PUS7: variants seen among roughly 807,000 people sequenced by gnomAD.
The protein encoded by PUS7 is pseudouridylate synthase 7 homolog.
PUS7 carries 48 observed loss-of-function variants against 79.8 expected under a neutral mutation model. That is an observed-to-expected ratio of 0.60 (90% CI 0.48 to 0.76). PUS7 has a LOEUF of 0.76. Ranked by LOEUF, PUS7 falls within the 30% of genes least tolerant of loss-of-function variation. PUS7 has a pLI of 0.00. For missense variants in PUS7, 729 were observed against 797.6 expected, an observed-to-expected ratio of 0.91 and a Z score of 1.04; for synonymous variants, 286 against 272.2, an observed-to-expected ratio of 1.05 and a Z score of -0.50.
chr7:105,516,943 T>C lies in PUS7; in HGVS notation c.-33+5109A>G, dbSNP rs564580424. Reference sequence around the variant, plus strand: ...TTCTATCTTGAATGAAGATATAAAGTTACTAGATGTGAAAAGGGGGGAGAG... The same window carrying C: ...TTCTATCTTGAATGAAGATATAAAGCTACTAGATGTGAAAAGGGGGGAGAG... On this transcript the variant is annotated intron_variant, in intron 1 of 15. Coordinates refer to ENST00000469408, the MANE Select transcript of PUS7 (RefSeq NM_019042.5). Among the ~76,000 whole-genome samples, 5 of 152,178 alleles carry C rather than the reference T, an allele frequency of 3.3e-5. No homozygotes were observed. The South Asian group carries it at 8.3e-4, about 25-fold the overall frequency.
chr7:105,460,187 C>G (rs1230616590), intron 14 of PUS7, among the ~76,000 whole-genome samples: 1 of 152,144 alleles, frequency 6.6e-6, no homozygotes, highest in Non-Finnish European at 1.5e-5. Flanking sequence ...ATCTGCCCGC[C>G]TCGGCCTCCC....
In PUS7 at chr7:105,505,957, C is replaced by T; in HGVS notation, c.583G>A (p.Glu195Lys). 6.2e-7 allele frequency: 1 copy of T among 1,607,546 alleles called. No homozygotes were observed. The highest frequency in any genetic ancestry group is 1.3e-5 in the African/African-American group (1 of 74,652). The change falls in exon 4 of 16, where the codon GAG becomes AAG. Residue 195 changes from glutamate (E) to lysine (K), a missense_variant and splice_region_variant. Coordinates refer to ENST00000469408, the MANE Select transcript of PUS7 (RefSeq NM_019042.5). Reference protein sequence around the residue: ...FKNKETSVAIEVIEDTKEKRT... With the variant: ...FKNKETSVAIKVIEDTKEKRT... ...TCATATATTTTTGCATTAGTTACCT[C>T]AATGGCAACACTGGTTTCCTTATTT...
intron 12 of PUS7, among the ~76,000 whole-genome samples, chr7:105,465,863 G>C (rs1008812939): frequency 1.1e-4 from 17 of 148,032 alleles, no homozygotes; most frequent in Admixed American, 2.7e-4. Flanking sequence ...AAAGGAAAAA[G>C]AAATTAAGCT....
rs373588457 is a variant in PUS7, at chr7:105,504,933, G to A, written c.585+1022C>T. Among the ~76,000 whole-genome samples the A allele has an allele frequency of 3.3e-3, 495 of 152,150 alleles. 4 individuals carry two copies. The highest frequency in any genetic ancestry group is 0.011 in the African/African-American group (474 of 41,522). On this transcript the variant is annotated intron_variant, in intron 4 of 15. Transcript: ENST00000469408. ...GTACGCTTATTAACTAGGAGTGCTGGGAGGGGGAATTTCAGACAACCGAAA... is the reference window on the plus strand; with the variant it reads ...GTACGCTTATTAACTAGGAGTGCTGAGAGGGGGAATTTCAGACAACCGAAA...
intron 5 of PUS7, among the ~76,000 whole-genome samples, chr7:105,497,647 T>G (rs373555639): frequency 1.3e-5 from 2 of 152,180 alleles, no homozygotes; most frequent in Non-Finnish European, 2.9e-5. Context: ...AGGTATGTGA[T>G]AGGAAGAAAT....
chr7:105,460,036 T>C (rs1392300685), intron 14 of PUS7, among the ~76,000 whole-genome samples: 1 of 152,146 alleles, frequency 6.6e-6, no homozygotes, highest in East Asian at 1.9e-4. Flanking sequence ...CCTCCCGGGT[T>C]CACACCATTC....
chr7:105,477,191 G>A (rs1245393209), intron 9 of PUS7, among the ~76,000 whole-genome samples: 1 of 152,024 alleles, frequency 6.6e-6, no homozygotes, highest in Admixed American at 6.6e-5. Flanking sequence ...TTTCTTCTAA[G>A]AGTTTGCATA....
At chr7:105,474,612 CAAAAAAAA>C in intron 9 of PUS7, among the ~76,000 whole-genome samples, 1 of 126,420 alleles carries the variant, frequency 7.9e-6, no homozygotes, top group East Asian at 2.3e-4. Context: ...ACTAAAAATA[CAAAAAAAA>C]AAAAAAAAAA....
intron 5 of PUS7, among the ~76,000 whole-genome samples, chr7:105,496,292 T>G (rs1251398067): frequency 2.0e-5 from 3 of 148,006 alleles, no homozygotes; most frequent in African/African-American, 7.5e-5. Flanking sequence ...AGATTTAAGC[T>G]GCTCAAAATG....
chr7:105,521,584 G>C (rs1004209674), intron 1 of PUS7, among the ~76,000 whole-genome samples: 8 of 152,248 alleles, frequency 5.3e-5, no homozygotes, highest in African/African-American at 1.9e-4. Flanking sequence ...AGGACACAGG[G>C]GTGGAACACG....
chr7:105,506,002 C>T lies in PUS7; in HGVS notation c.538G>A (p.Glu180Lys), dbSNP rs544766570. The T allele has an allele frequency of 3.4e-4, 547 of 1,613,914 alleles. 6 individuals carry two copies. In the South Asian group the frequency reaches 5.7e-3, roughly 17 times the overall value. Residue 180 changes from glutamate to lysine, a missense_variant, in exon 4 of 16, where the codon GAA (glutamate) becomes AAA (lysine). Glu to Lys is a moderately conservative substitution (Grantham distance 56). Transcript: ENST00000469408. ...TTATTTTTGAACAGCTGGAGCTCTT[C>T]CAATCGCTGCTTTTCTTCAGCTGTC... ...VLTAEEKQRL[E>K]ELQLFKNKET... is the part of the protein sequence containing the mutation.
chr7:105,494,494 C>T lies in PUS7; in HGVS notation c.842+648G>A, dbSNP rs766949780. Reference sequence around the variant, plus strand: ...GCACAATCTCGGCTTACCGCAACCTCTGCTTCCCAGGTTCAAGCAATTCTC... The same window carrying T: ...GCACAATCTCGGCTTACCGCAACCTTTGCTTCCCAGGTTCAAGCAATTCTC... On this transcript the variant is annotated intron_variant, in intron 6 of 15. Coordinates refer to ENST00000469408, the MANE Select transcript of PUS7 (RefSeq NM_019042.5). 9.3e-4 allele frequency among the ~76,000 whole-genome samples: 137 copies of T among 147,894 alleles called. 1 individual carries two copies. The highest frequency in any genetic ancestry group is 3.5e-3 in the Middle Eastern group (1 of 282).
chr7:105,458,017 C>T (rs2133010147), intron 15 of PUS7, 91 bp from the exon 16 acceptor site: 2 of 1,451,850 alleles, frequency 1.4e-6, no homozygotes, highest in South Asian at 1.4e-5. Context: ...ATACAAAGAA[C>T]TGTGCTGCTT....
chr7:105,499,474 CTTAGAA>C (rs1480006403), intron 5 of PUS7, among the ~76,000 whole-genome samples: 2 of 151,954 alleles, frequency 1.3e-5, no homozygotes, highest in African/African-American at 2.4e-5. Context: ...AAACTATGTT[CTTAGAA>C]GCATTTGGAA....
chr7:105,506,206 T>C lies in PUS7; in HGVS notation c.466A>G (p.Ile156Val), dbSNP rs1466238667. Residue 156 changes from isoleucine to valine, a missense_variant, in exon 3 of 16, where the codon ATT (isoleucine) becomes GTT (valine). Transcript: ENST00000469408. ...GRISHLNDLS[I>V]PVDEEDPSED... is the part of the protein sequence containing the mutation. Reference sequence around the variant, plus strand: ...ACTTCTACCTCCTCATCCACTGGAATGGACAAGTCATTCAAATGGCTGATC... The same window carrying C: ...ACTTCTACCTCCTCATCCACTGGAACGGACAAGTCATTCAAATGGCTGATC... The C allele has an allele frequency of 6.2e-7, 1 of 1,612,788 alleles. No individual in the cohort carries two copies. Among genetic ancestry groups the C allele is most frequent in the East Asian group, 2.2e-5 (1 of 44,864 alleles).
At position 105,481,161 on chromosome 7, in the gene PUS7, C is replaced by G; in HGVS notation, c.1066G>C (p.Asp356His). The G allele has an allele frequency of 6.2e-7, 1 of 1,609,294 alleles. No homozygotes were observed. The highest frequency in any genetic ancestry group is 8.5e-7 in the Non-Finnish European group (1 of 1,178,034). ...TTCATAGCTTGCTGTACTTGGTCAT[C>G]AGTTCCTGTTATATTTCTACAGGGA... ...TVVLRNITGT[D>H]DQVQQAMNSL... The change falls in exon 9 of 16, where the codon GAT becomes CAT. Residue 356 changes from aspartate (D) to histidine (H), a missense_variant. Asp to His is a moderately conservative substitution (Grantham distance 81, BLOSUM62 -1). Coordinates refer to ENST00000469408, the MANE Select transcript of PUS7 (RefSeq NM_019042.5).
At position 105,507,400 on chromosome 7, in the gene PUS7, A is replaced by T. The variant is rs761344953; in HGVS notation, c.398+715T>A. Among the ~76,000 whole-genome samples, 29 of 152,240 alleles carry T rather than the reference A, an allele frequency of 1.9e-4. 1 individual carries two copies. Among genetic ancestry groups the T allele is most frequent in the Middle Eastern group, 3.4e-3 (1 of 294 alleles). On this transcript the variant is annotated intron_variant, in intron 2 of 15. Coordinates refer to ENST00000469408, the MANE Select transcript of PUS7 (RefSeq NM_019042.5). ...GTTCAGAGAGGCTAAGTAACTACTA[A>T]GTAGCGAACTTCACACTGGGATCCA...
chr7:105,516,915 G>A (rs1825917877), intron 1 of PUS7, among the ~76,000 whole-genome samples: 1 of 152,028 alleles, frequency 6.6e-6, no homozygotes, highest in African/African-American at 2.4e-5. Flanking sequence ...GAAAGCCCAA[G>A]CATTCTATCT....
intron 14 of PUS7, among the ~76,000 whole-genome samples, chr7:105,460,790 C>T (rs1288980677): frequency 1.5e-5 from 2 of 131,492 alleles, no homozygotes; most frequent in African/African-American, 5.8e-5. Flanking sequence ...GGAGGCGGAG[C>T]TTGCAGTGAG....
Sources: gnomAD v4.1 joint callset for allele counts (sites outside exome capture counted in the v4.1 genomes callset) on GRCh38, gnomAD v4.1.1 for gene constraint, MANE v1.5 for transcripts, NCBI Gene and HGNC (gene_info 2026-07-23, HGNC 2026-07-21) for gene names.